Variants in EYA1 observed in about 807,000 individuals in gnomAD.
EYA1 encodes the protein EYA transcriptional coactivator and phosphatase 1, also known as protein phosphatase EYA1.
A neutral mutation model predicts 82.0 loss-of-function variants in EYA1; 16 were observed. That is an observed-to-expected ratio of 0.20 (90% CI 0.13 to 0.30). The LOEUF is 0.30. Ranked by LOEUF, EYA1 falls within the 10% of genes least tolerant of loss-of-function variation. The probability of loss-of-function intolerance (pLI) is 1.00; values close to 1 mark genes in which losing one functional copy is unlikely to be tolerated. For synonymous variants in EYA1, 261 were observed against 264.4 expected (o/e 0.99, Z 0.12); for missense variants, 633 against 730.7 (o/e 0.87, Z 1.54).
intron 2 of EYA1, among the ~76,000 whole-genome samples, 198 bp from the exon 3 acceptor site, chr8:71,355,107 G>T (rs998696656): frequency 2.6e-5 from 4 of 152,102 alleles, no homozygotes; most frequent in Non-Finnish European, 5.9e-5. Flanking sequence ...GATGTCACTT[G>T]CTTTACCTAT....
intron 2 of EYA1, among the ~76,000 whole-genome samples, chr8:71,445,146 A>G (rs1457502153): frequency 6.6e-6 from 1 of 152,112 alleles, no homozygotes; most frequent in African/African-American, 2.4e-5. Context: ...AGAAATTTTG[A>G]ATCTGCTTCT....
intron 11 of EYA1, among the ~76,000 whole-genome samples, chr8:71,250,196 C>CT (rs1276244271): frequency 6.6e-6 from 1 of 152,204 alleles, no homozygotes; most frequent in East Asian, 1.9e-4. Flanking sequence ...CCGTATATGT[C>CT]TAACTTTTGC....
At chr8:71,216,370 T>C (rs1343485356) in intron 14 of EYA1, among the ~76,000 whole-genome samples, 25 of 127,010 alleles carry the variant, frequency 2.0e-4, no homozygotes, top group Admixed American at 1.1e-3. Context: ...CAACCCATCT[T>C]GTGATTTGGG....
At chr8:71,288,563 G>A (rs77387919) in intron 9 of EYA1, among the ~76,000 whole-genome samples, 1 of 152,196 alleles carries the variant, frequency 6.6e-6, no homozygotes, top group African/African-American at 2.4e-5. Context: ...AAAATTAAAA[G>A]CTTCCCTATT....
chr8:71,216,926 T>C, intron 13 of EYA1, 39 bp downstream of exon 13: 9 of 1,611,360 alleles, frequency 5.6e-6, no homozygotes, highest in Non-Finnish European at 5.9e-6. Flanking sequence ...AATTAAACTA[T>C]AAAAGGGAGA....
chr8:71,322,298 C>T, intron 4 of EYA1, 30 bp from the exon 5 acceptor site: 1 of 1,578,636 alleles, frequency 6.3e-7, no homozygotes, highest in Admixed American at 1.7e-5. Context: ...CAAAATAATG[C>T]ACAATAATCC....
chr8:71,326,540 C>T (rs1278914890), intron 4 of EYA1, among the ~76,000 whole-genome samples: 1 of 152,170 alleles, frequency 6.6e-6, no homozygotes, highest in Admixed American at 6.5e-5. Flanking sequence ...TCCATCCATG[C>T]CATGCAGGGC....
intron 2 of EYA1, among the ~76,000 whole-genome samples, chr8:71,500,390 T>A (rs1158085112): frequency 6.6e-6 from 1 of 152,204 alleles, no homozygotes; most frequent in Non-Finnish European, 1.5e-5. Flanking sequence ...GACAACTTCT[T>A]GAGTCTTGAT....
intron 2 of EYA1, among the ~76,000 whole-genome samples, chr8:71,505,392 T>C (rs770135816): frequency 1.3e-5 from 2 of 152,184 alleles, no homozygotes; most frequent in Non-Finnish European, 2.9e-5. Flanking sequence ...GAATACATCT[T>C]AATTAAAAAG....
intron 7 of EYA1, among the ~76,000 whole-genome samples, chr8:71,309,470 T>C (rs997796): frequency 0.23 from 34,402 of 152,146 alleles, 3,926 homozygotes; most frequent in Middle Eastern, 0.28. Context: ...CAAGCTGCAA[T>C]AGCTATTCTT....
intron 4 of EYA1, among the ~76,000 whole-genome samples, chr8:71,329,679 C>G (rs1161459658): frequency 6.6e-6 from 1 of 152,042 alleles, no homozygotes; most frequent in Non-Finnish European, 1.5e-5. Flanking sequence ...AAATATGTGG[C>G]ACATATTAGG....
chr8:71,197,612 T>C lies in EYA1; in HGVS notation c.*1728A>G, dbSNP rs1806399236. 6.6e-6 allele frequency: 1 copy of C among 152,632 alleles called. No homozygotes were observed. 9.5% of individuals were successfully genotyped at this position (152,632 alleles called of 1,614,324 possible). A position where few individuals can be genotyped will look rare whatever the true frequency, so the allele number is the denominator to read the frequency against. ...AGGTTAAAAATTGTCAACTGTTTGC[T>C]TCAAGCAAAAAGGAAGAAAAAACTA... is the stretch of plus-strand genomic sequence containing the variant. On this transcript the variant is annotated 3_prime_UTR_variant, in exon 18 of 18. Transcript: ENST00000340726.
At chr8:71,313,554 T>G (rs1821586246) in intron 7 of EYA1, among the ~76,000 whole-genome samples, 1 of 152,328 alleles carries the variant, frequency 6.6e-6, no homozygotes, top group African/African-American at 2.4e-5. Flanking sequence ...GTTCTTACTA[T>G]GTACCACAGG....
At chr8:71,201,961 A>C (rs933503236) in intron 17 of EYA1, among the ~76,000 whole-genome samples, 7 of 152,194 alleles carry the variant, frequency 4.6e-5, no homozygotes, top group African/African-American at 1.4e-4. Flanking sequence ...CTTAAGTACT[A>C]TTATCTCAGA....
intron 2 of EYA1, among the ~76,000 whole-genome samples, chr8:71,377,251 A>G (rs1215766131): frequency 6.6e-6 from 1 of 152,154 alleles, no homozygotes; most frequent in Admixed American, 6.5e-5. Context: ...GGTGGAAGAG[A>G]AGTCGCAGCC....
intron 2 of EYA1, among the ~76,000 whole-genome samples, chr8:71,494,066 A>C (rs1235735743): frequency 6.7e-6 from 1 of 149,130 alleles, no homozygotes; most frequent in Non-Finnish European, 1.5e-5. Flanking sequence ...ATGTTTACAA[A>C]GGATTAGATT....
In EYA1 at chr8:71,539,223, G is replaced by C. The variant is rs112229324; in HGVS notation, c.-72-3375C>G. Among the ~76,000 whole-genome samples, 249 of 73,042 alleles carry C rather than the reference G, an allele frequency of 3.4e-3. 2 individuals carry two copies. The highest frequency in any genetic ancestry group is 0.027 in the African/African-American group (238 of 8,932). 47.9% of individuals were successfully genotyped at this position (73,042 alleles called of 152,430 possible). ...CATCAACTCCTTAAGTAGAAAAAAAGGGTCAACCAAAAAAAAAATTGAGAA... is the reference window on the plus strand; with the variant it reads ...CATCAACTCCTTAAGTAGAAAAAAACGGTCAACCAAAAAAAAAATTGAGAA... On this transcript the variant is annotated intron_variant, in intron 1 of 18. Coordinates refer to the EYA1 transcript ENST00000643681.
At chr8:71,263,391 C>T (rs990248583) in intron 11 of EYA1, among the ~76,000 whole-genome samples, 2 of 152,194 alleles carry the variant, frequency 1.3e-5, no homozygotes, top group Non-Finnish European at 2.9e-5. Flanking sequence ...CCAAACCATG[C>T]CCAAACCAAG....
At chr8:71,372,741 A>T (rs1828154170) in intron 2 of EYA1, among the ~76,000 whole-genome samples, 1 of 152,116 alleles carries the variant, frequency 6.6e-6, no homozygotes, top group African/African-American at 2.4e-5. Flanking sequence ...TATTAAAAGG[A>T]ATCATCAACT....
Sources: gnomAD v4.1 joint callset for allele counts (sites outside exome capture counted in the v4.1 genomes callset) on GRCh38, gnomAD v4.1.1 for gene constraint, MANE v1.5 for transcripts, NCBI Gene and HGNC (gene_info 2026-07-23, HGNC 2026-07-21) for gene names.